The following MAP2K5 variants were observed in gnomAD, a reference collection of about 807,000 sequenced individuals.
MAP2K5 encodes mitogen-activated protein kinase kinase 5.
A neutral mutation model predicts 83.1 loss-of-function variants in MAP2K5; 49 were observed. That is an observed-to-expected ratio of 0.59 (90% confidence interval 0.47 to 0.75). The LOEUF (loss-of-function observed/expected upper bound fraction) is 0.75. Among genes scored for constraint, MAP2K5 ranks in the 30% least tolerant of loss-of-function variants. The pLI is 0.00. For synonymous variants in MAP2K5, 202 were observed against 191.8 expected (o/e 1.05, Z -0.44); for missense variants, 457 against 557.5 (o/e 0.82, Z 1.82).
chr15:67,603,860 C>T (rs763640552), intron 8 of MAP2K5, among the ~76,000 whole-genome samples: 1 of 152,116 alleles, frequency 6.6e-6, no homozygotes, highest in Non-Finnish European at 1.5e-5. Flanking sequence ...GCTACATAAA[C>T]TAGATGAAGA....
intron 19 of MAP2K5, among the ~76,000 whole-genome samples, chr15:67,761,564 A>G (rs2089949659): frequency 6.6e-6 from 1 of 152,220 alleles, no homozygotes; most frequent in Non-Finnish European, 1.5e-5. Flanking sequence ...TCGAGTGAAC[A>G]TTCAGGAGGA....
chr15:67,714,222 T>G (rs2088772234), intron 16 of MAP2K5, among the ~76,000 whole-genome samples: 1 of 152,036 alleles, frequency 6.6e-6, no homozygotes, highest in African/African-American at 2.4e-5. Flanking sequence ...TATTCTAGGC[T>G]TTTTCATGAA....
chr15:67,620,806 A>G (rs2086164127), intron 8 of MAP2K5, among the ~76,000 whole-genome samples: 2 of 152,220 alleles, frequency 1.3e-5, no homozygotes, highest in Non-Finnish European at 2.9e-5. Flanking sequence ...GATTGTTAAA[A>G]ATTATACGGG....
At chr15:67,591,118 G>A (rs563925874) in intron 6 of MAP2K5, among the ~76,000 whole-genome samples, 3 of 152,090 alleles carry the variant, frequency 2.0e-5, no homozygotes, top group African/African-American at 7.2e-5. Context: ...AGGCCAAGGT[G>A]GGCAGATCAC....
At chr15:67,686,323 A>T (rs1396270978) in intron 13 of MAP2K5, among the ~76,000 whole-genome samples, 2 of 152,082 alleles carry the variant, frequency 1.3e-5, no homozygotes, top group African/African-American at 2.4e-5. Context: ...AAATAATTAC[A>T]TGGCCAGGCG....
At position 67,658,539 on chromosome 15, in the gene MAP2K5, G is replaced by T. The variant is rs760553556; in HGVS notation, c.737-14G>T. 6.2e-7 allele frequency: 1 copy of T among 1,606,882 alleles called. No homozygotes were observed. The highest frequency in any genetic ancestry group is 1.1e-5 in the South Asian group (1 of 90,928). The stretch of plus-strand genomic sequence containing the variant: ...AATTTCATTTGTAGTAACATGGCAT[G>T]TTTATCTCTACAGGGGGATCTTTGG... On this transcript the variant is annotated splice_polypyrimidine_tract_variant and intron_variant, in intron 11 of 21. Transcript: ENST00000178640.
Position 67,802,287 on chromosome 15 carries a change from C to T in MAP2K5, c.1243-4359C>T, listed in dbSNP as rs1291743097. Among the ~76,000 whole-genome samples the T allele has an allele frequency of 1.3e-5, 2 of 149,430 alleles. No individual in the cohort carries two copies. Among genetic ancestry groups the T allele is most frequent in the South Asian group, 2.1e-4 (1 of 4,818 alleles). ...CACAATTCATCTTCATGAGAGGGAG[C>T]GGTGAGCAACCACAATTCATCTTCA... On this transcript the variant is annotated intron_variant, in intron 21 of 21. Transcript: ENST00000178640. This position sits in a 1 kb window ranked among gnomAD's most constrained non-coding sequence, Gnocchi z 5.0.
rs781504572 is a variant in MAP2K5, at chr15:67,543,406, C to T, written c.71C>T (p.Pro24Leu). 25 of 1,613,954 alleles carry T rather than the reference C, an allele frequency of 1.5e-5. No homozygotes were observed. The highest frequency in any genetic ancestry group is 2.0e-5 in the Non-Finnish European group (24 of 1,180,018). ...NQVLVIRIKI[P>L]NSGAVDWTVH... is the part of the protein sequence containing the mutation. ...GTGCTGGTAATTCGCATCAAGATCC[C>T]AAATAGTGGCGCGGTGGACTGGACA... is the stretch of plus-strand genomic sequence containing the variant. The change falls in exon 1 of 22, where the codon CCA becomes CTA. Residue 24 changes from proline (P) to leucine (L), a missense_variant. Pro to Leu is a moderately conservative substitution (Grantham distance 98). Around this residue, in one of 3 missense-constraint regions of MAP2K5, gnomAD observed 234 missense variants for 243.6 expected, o/e 0.96. Coordinates refer to ENST00000178640, the MANE Select transcript of MAP2K5 (RefSeq NM_145160.3). This position sits in a 1 kb window ranked among gnomAD's most constrained non-coding sequence, Gnocchi z 4.3.
In MAP2K5 at chr15:67,642,459, G is replaced by A. The variant is rs772633624; in HGVS notation, c.586-3772G>A. The stretch of plus-strand genomic sequence containing the variant: ...CTCAAGGCAGAATGTACATATTGAG[G>A]GCCAGAGCTAGAGATGAATTTTGAT... On this transcript the variant is annotated intron_variant, in intron 9 of 21. Coordinates refer to ENST00000178640, the MANE Select transcript of MAP2K5 (RefSeq NM_145160.3). 8 of 1,610,266 alleles carry A rather than the reference G, an allele frequency of 5.0e-6. No homozygotes were observed. The South Asian group carries it at 8.8e-5, about 18-fold the overall frequency.
Position 67,543,950 on chromosome 15 carries a change from G to A in MAP2K5, c.135+480G>A, listed in dbSNP as rs187059834. On this transcript the variant is annotated intron_variant, in intron 1 of 21. Coordinates refer to ENST00000178640, the MANE Select transcript of MAP2K5 (RefSeq NM_145160.3). This position sits in a 1 kb window ranked among gnomAD's most constrained non-coding sequence, Gnocchi z 4.3. Reference sequence around the variant, plus strand: ...TTTTGAGACAGGGCCTCACTCTGTCGCTCAGGCTGCAGTGCTGTGGCACGA... The same window carrying A: ...TTTTGAGACAGGGCCTCACTCTGTCACTCAGGCTGCAGTGCTGTGGCACGA... Among the ~76,000 whole-genome samples the A allele has an allele frequency of 1.3e-5, 2 of 152,314 alleles. No individual in the cohort carries two copies. Among genetic ancestry groups the A allele is most frequent in the Admixed American group, 1.3e-4 (2 of 15,304 alleles).
intron 8 of MAP2K5, among the ~76,000 whole-genome samples, chr15:67,626,679 G>T (rs1035630808): frequency 6.6e-6 from 1 of 151,910 alleles, no homozygotes; most frequent in African/African-American, 2.4e-5. Flanking sequence ...TGGGAGGATC[G>T]CTTGAGGCTT....
chr15:67,578,387 G>A (rs1228168134), intron 3 of MAP2K5, among the ~76,000 whole-genome samples: 4 of 152,098 alleles, frequency 2.6e-5, no homozygotes, highest in Admixed American at 6.6e-5. Context: ...GTTCCTCAGG[G>A]GCCAGTTGTG....
In MAP2K5 at chr15:67,786,662, A is replaced by G. The variant is rs1248960081; in HGVS notation, c.1242+13910A>G. Among the ~76,000 whole-genome samples the G allele has an allele frequency of 6.6e-6, 1 of 152,170 alleles. No individual in the cohort carries two copies. Among genetic ancestry groups the G allele is most frequent in the Non-Finnish European group, 1.5e-5 (1 of 68,024 alleles). ...ACAGAACTTGGAAAGTGGTGGTACAACAGAAAGCCAGCTTCTCCCCTCCCT... is the reference window on the plus strand; with the variant it reads ...ACAGAACTTGGAAAGTGGTGGTACAGCAGAAAGCCAGCTTCTCCCCTCCCT... On this transcript the variant is annotated intron_variant, in intron 21 of 21. Transcript: ENST00000178640. This position sits in a 1 kb window ranked among gnomAD's most constrained non-coding sequence, Gnocchi z 4.7.
chr15:67,582,340 G>A (rs997484861), intron 4 of MAP2K5, among the ~76,000 whole-genome samples: 2 of 152,270 alleles, frequency 1.3e-5, no homozygotes, highest in South Asian at 2.1e-4. Flanking sequence ...GATTACAGGC[G>A]TGAGCCACCA....
intron 3 of MAP2K5, among the ~76,000 whole-genome samples, chr15:67,579,009 A>G (rs990060554): frequency 1.3e-5 from 2 of 152,226 alleles, no homozygotes; most frequent in Admixed American, 6.5e-5. Flanking sequence ...TTACTAGCCT[A>G]TTGTACATAG....
At chr15:67,623,018 C>T (rs1278777946) in intron 8 of MAP2K5, among the ~76,000 whole-genome samples, 1 of 152,072 alleles carries the variant, frequency 6.6e-6, no homozygotes, top group African/African-American at 2.4e-5. Context: ...GGGAGTATGG[C>T]GTGAACCCGG....
chr15:67,603,457 G>C (rs1314566532), intron 8 of MAP2K5, among the ~76,000 whole-genome samples: 2 of 152,126 alleles, frequency 1.3e-5, no homozygotes, highest in Non-Finnish European at 2.9e-5. Context: ...TTTTTGACAG[G>C]ATTGCTTATA....
intron 3 of MAP2K5, among the ~76,000 whole-genome samples, chr15:67,571,833 G>C (rs1191149111): frequency 6.6e-6 from 1 of 152,088 alleles, no homozygotes; most frequent in Non-Finnish European, 1.5e-5. Context: ...CATCCAATCA[G>C]TTTTTCATGC....
At position 67,638,541 on chromosome 15, in the gene MAP2K5, G is replaced by A. The variant is rs62016186; in HGVS notation, c.585+7614G>A. On this transcript the variant is annotated intron_variant, in intron 9 of 21. Coordinates refer to ENST00000178640, the MANE Select transcript of MAP2K5 (RefSeq NM_145160.3). This position sits in a 1 kb window ranked among gnomAD's most constrained non-coding sequence, Gnocchi z 4.5. The stretch of plus-strand genomic sequence containing the variant: ...AGTGCTGCAATGACCATTTGCATGC[G>A]TGTGTCTTTATAATAGAATGCTTTA... 0.022 allele frequency among the ~76,000 whole-genome samples: 3,385 copies of A among 152,214 alleles called. 57 individuals are homozygous for A. The highest frequency in any genetic ancestry group is 0.039 in the African/African-American group (1,638 of 41,534).
Sources: gnomAD v4.1 joint callset for allele counts (sites outside exome capture counted in the v4.1 genomes callset) on GRCh38, gnomAD v4.1.1 for gene constraint, gnomAD v4.1.1 regional missense constraint, Gnocchi (gnomAD v3.1) non-coding constraint, MANE v1.5 for transcripts, NCBI Gene and HGNC (gene_info 2026-07-23, HGNC 2026-07-21) for gene names.